MSTO1: variants seen among roughly 807,000 people sequenced by gnomAD.
MSTO1 encodes protein misato homolog 1.
In MSTO1, 24 loss-of-function variants were observed where a neutral mutation model predicts 55.7. That is an observed-to-expected ratio of 0.43 (90% CI 0.31 to 0.61). The LOEUF is 0.61. Among genes scored for constraint, MSTO1 ranks in the 20% least tolerant of loss-of-function variants. The pLI is 0.09. For synonymous variants in MSTO1, 162 were observed against 252.8 expected, an observed-to-expected ratio of 0.64 and a Z score of 3.41; for missense variants, 363 against 625.7, an observed-to-expected ratio of 0.58 and a Z score of 4.48.
At chr1:155,607,818 G>A (rs759559332), upstream of MSTO1, among the ~76,000 whole-genome samples, 13 of 152,162 alleles carry the variant, frequency 8.5e-5, no homozygotes, top group Non-Finnish European at 1.6e-4. Context: ...GCAAGATGGT[G>A]AAACCCCTTC....
At chr1:155,568,103 G>A in the MSTO1 span, among the ~76,000 whole-genome samples, 8 of 145,698 alleles carry the variant, frequency 5.5e-5, no homozygotes, top group Non-Finnish European at 7.5e-5. Context: ...TTTTTGAGAC[G>A]GAGTCTCACT....
At position 155,612,257 on chromosome 1, in the gene MSTO1, G is replaced by C. The variant is rs1674300752; in HGVS notation, c.754G>C (p.Glu252Gln). The part of the protein sequence containing the change: ...GAKAAELLQD[E>Q]YSGRGIITWG... ...GAAGGCGGCAGAGCTGCTACAAGAT[G>C]AATATTCAGGGCGGGGAATAATAAC... The change falls in exon 8 of 14, where the codon GAA (glutamate) becomes CAA (glutamine). Residue 252 changes from glutamate to glutamine, a missense_variant. Around this residue, in one of 3 missense-constraint regions of MSTO1, gnomAD observed 231 missense variants for 286.9 expected, o/e 0.81. Coordinates refer to ENST00000245564, the MANE Select transcript of MSTO1 (RefSeq NM_018116.4). 7.5e-6 allele frequency: 12 copies of C among 1,591,878 alleles called. No homozygotes were observed. Among genetic ancestry groups the C allele is most frequent in the Non-Finnish European group, 9.4e-6 (11 of 1,168,530 alleles).
upstream of MSTO1, among the ~76,000 whole-genome samples, chr1:155,606,198 C>CTTTT (rs747681932): frequency 0.013 from 353 of 28,042 alleles, 54 homozygotes; most frequent in Admixed American, 0.018. Flanking sequence ...CATGCCCAGC[C>CTTTT]TTTTTTTTTT....
chr1:155,595,712 C>T, the MSTO1 span, among the ~76,000 whole-genome samples: 2 of 152,014 alleles, frequency 1.3e-5, no homozygotes, highest in East Asian at 3.9e-4. Flanking sequence ...CCAGGATGGT[C>T]TCGATCTCCC....
chr1:155,575,315 G>A, the MSTO1 span, among the ~76,000 whole-genome samples: 4 of 152,054 alleles, frequency 2.6e-5, no homozygotes, highest in Admixed American at 1.3e-4. Context: ...TGGGTGTGAA[G>A]TGGTATCTCA....
the MSTO1 span, among the ~76,000 whole-genome samples, chr1:155,584,980 C>T: frequency 6.6e-6 from 1 of 151,654 alleles, no homozygotes; most frequent in African/African-American, 2.4e-5. Context: ...AAGCTGGTCT[C>T]AAACTCCTGG....
the MSTO1 span, among the ~76,000 whole-genome samples, chr1:155,600,850 G>A: frequency 1.0e-4 from 15 of 150,682 alleles, no homozygotes; most frequent in African/African-American, 3.7e-4. Context: ...CTAATTTTTT[G>A]TATTTTTAGT....
At chr1:155,591,293 A>T in the MSTO1 span, 3 of 1,508,312 alleles carry the variant, frequency 2.0e-6, no homozygotes, top group Admixed American at 3.9e-5. Context: ...ACTGCGAAGG[A>T]GATATGCGAA....
At chr1:155,590,937 C>T in the MSTO1 span, 5 of 1,613,798 alleles carry the variant, frequency 3.1e-6, no homozygotes, top group African/African-American at 4.0e-5. Context: ...AATCCTTCTC[C>T]TCCACACAGG....
chr1:155,577,925 C>G, the MSTO1 span, among the ~76,000 whole-genome samples: 1 of 152,016 alleles, frequency 6.6e-6, no homozygotes, highest in Admixed American at 6.6e-5. Flanking sequence ...TTGTATTTTT[C>G]GTAGAGACGG....
chr1:155,599,336 T>C, the MSTO1 span, among the ~76,000 whole-genome samples: 1 of 152,244 alleles, frequency 6.6e-6, no homozygotes, highest in Non-Finnish European at 1.5e-5. Flanking sequence ...AGCCTTTTGA[T>C]GCTAAGCAGT....
At chr1:155,575,261 C>T in the MSTO1 span, among the ~76,000 whole-genome samples, 6 of 151,412 alleles carry the variant, frequency 4.0e-5, no homozygotes, top group Non-Finnish European at 7.4e-5. Flanking sequence ...CAGATCCTGT[C>T]CAACACATAT....
At chr1:155,586,699 A>G in the MSTO1 span, 1 of 518,116 alleles carries the variant, frequency 1.9e-6, no homozygotes, top group African/African-American at 1.9e-5. Context: ...TCTAGGATCC[A>G]TAAGGTGAGT....
chr1:155,614,849 G>A lies in MSTO1; in HGVS notation c.*576G>A, dbSNP rs961091595. ...CAGGCAGTGTGGAAGAGCTGCATGAGTTCTCGAAAATGGTGGGAAACCTAA... is the reference window on the plus strand; with the variant it reads ...CAGGCAGTGTGGAAGAGCTGCATGAATTCTCGAAAATGGTGGGAAACCTAA... On this transcript the variant is annotated 3_prime_UTR_variant, in exon 14 of 14. Coordinates refer to ENST00000245564, the MANE Select transcript of MSTO1 (RefSeq NM_018116.4). 12 of 1,579,952 alleles carry A rather than the reference G, an allele frequency of 7.6e-6. No homozygotes were observed. Among genetic ancestry groups the A allele is most frequent in the South Asian group, 2.3e-5 (2 of 86,720 alleles).
chr1:155,598,863 T>C, the MSTO1 span: 3 of 1,451,252 alleles, frequency 2.1e-6, no homozygotes, highest in Admixed American at 1.7e-5. Context: ...GTCTTTGCCA[T>C]GTTATTCATT....
the MSTO1 span, chr1:155,599,012 C>G: frequency 2.6e-5 from 18 of 686,062 alleles, no homozygotes; most frequent in Non-Finnish European, 3.8e-5. Flanking sequence ...GATCTGATAG[C>G]TAAAGGAAAA....
the MSTO1 span, chr1:155,563,328 C>G: frequency 2.2e-6 from 1 of 455,554 alleles, no homozygotes; most frequent in African/African-American, 2.0e-5. Context: ...CCTCGACTCA[C>G]GGTGAGGGAA....
the MSTO1 span, among the ~76,000 whole-genome samples, chr1:155,567,070 T>G: frequency 1.3e-5 from 2 of 152,028 alleles, no homozygotes; most frequent in African/African-American, 4.8e-5. Context: ...TGAAGTATGG[T>G]CAGGGTTGAC....
chr1:155,571,191 A>C, the MSTO1 span, among the ~76,000 whole-genome samples: 1 of 152,186 alleles, frequency 6.6e-6, no homozygotes, highest in Non-Finnish European at 1.5e-5. Context: ...ATGGTGGTAC[A>C]TGCCTATAGT....
Sources: gnomAD v4.1 joint callset for allele counts (sites outside exome capture counted in the v4.1 genomes callset) on GRCh38, gnomAD v4.1.1 for gene constraint, gnomAD v4.1.1 regional missense constraint, MANE v1.5 for transcripts, NCBI Gene and HGNC (gene_info 2026-07-23, HGNC 2026-07-21) for gene names.